The following FAT3 variants were observed in gnomAD, a reference collection of about 807,000 sequenced individuals.
The protein encoded by FAT3 is FAT atypical cadherin 3, also known as protocadherin Fat 3.
Under a neutral mutation model 310.2 loss-of-function variants are expected in FAT3, and 95 were observed. That is an observed-to-expected ratio of 0.31 (90% CI 0.26 to 0.36). The LOEUF (loss-of-function observed/expected upper bound fraction) is 0.36. Ranked by LOEUF, FAT3 falls within the 10% of genes least tolerant of loss-of-function variation. The pLI is 1.00. For missense variants in FAT3, 5,408 were observed against 5,715.6 expected, an observed-to-expected ratio of 0.95 and a Z score of 1.74; for synonymous variants, 2,314 against 2,192.9, an observed-to-expected ratio of 1.06 and a Z score of -1.54.
At chr11:92,742,424 T>C (rs1689226155) in intron 4 of FAT3, among the ~76,000 whole-genome samples, 1 of 152,176 alleles carries the variant, frequency 6.6e-6, no homozygotes, top group South Asian at 2.1e-4. Context: ...GGACTGTGAA[T>C]TCCCTGAAGG....
Position 92,891,075 on chromosome 11 carries a change from A to T in FAT3, c.13732A>T (p.Ile4578Phe), listed in dbSNP as rs776310983. ...VGELSLASLH[I>F]PFVETQHQTQ... ...AGAGCTCAGCCTCGCCAGCCTTCAC[A>T]TTCCCTTTGTGGAGACTCAGCATCA... The change falls in exon 28 of 28, where the codon ATT (isoleucine) becomes TTT (phenylalanine). Residue 4578 changes from isoleucine to phenylalanine, a missense_variant. Ile to Phe is a conservative substitution (Grantham distance 21). Coordinates refer to ENST00000525166, the MANE Select transcript of FAT3 (RefSeq NM_001367949.2). 1.9e-6 allele frequency: 3 copies of T among 1,613,780 alleles called. No individual in the cohort carries two copies. Among genetic ancestry groups the T allele is most frequent in the Admixed American group, 1.7e-5 (1 of 60,002 alleles).
chr11:92,487,944 C>T (rs1460212263), intron 2 of FAT3, among the ~76,000 whole-genome samples: 2 of 152,312 alleles, frequency 1.3e-5, no homozygotes, highest in South Asian at 2.1e-4. Flanking sequence ...GGTGTGCACA[C>T]CTTGGTATAA....
intron 2 of FAT3, among the ~76,000 whole-genome samples, chr11:92,426,031 C>A (rs1950624612): frequency 6.6e-6 from 1 of 152,200 alleles, no homozygotes; most frequent in African/African-American, 2.4e-5. Context: ...TTCTCCACAT[C>A]CTCTCCAGCA....
intron 2 of FAT3, among the ~76,000 whole-genome samples, chr11:92,448,034 G>A (rs543823479): frequency 2.0e-5 from 3 of 152,194 alleles, no homozygotes; most frequent in South Asian, 2.1e-4. Flanking sequence ...CCACATGGCC[G>A]GGACACTGAT....
chr11:92,282,536 A>G (rs1280990746), intron 1 of FAT3, among the ~76,000 whole-genome samples: 1 of 151,960 alleles, frequency 6.6e-6, no homozygotes, highest in Non-Finnish European at 1.5e-5. Context: ...GTGGTGGAGC[A>G]TGCCTGTAAT....
intron 4 of FAT3, among the ~76,000 whole-genome samples, chr11:92,707,774 A>G (rs1450408426): frequency 6.6e-6 from 1 of 152,180 alleles, no homozygotes; most frequent in African/African-American, 2.4e-5. Context: ...TGTCCAGTCT[A>G]ATTTTATCGA....
chr11:92,226,287 C>T (rs1357177757), intron 1 of FAT3, among the ~76,000 whole-genome samples: 2 of 152,218 alleles, frequency 1.3e-5, no homozygotes, highest in East Asian at 3.9e-4. Context: ...GAATTCCCTC[C>T]TCTCCTCTCT....
At chr11:92,554,639 G>T (rs9666404) in intron 3 of FAT3, among the ~76,000 whole-genome samples, 22,858 of 151,984 alleles carry the variant, frequency 0.15, 1,899 homozygotes, top group East Asian at 0.29. Flanking sequence ...TACCAATTTT[G>T]ATCTCACTTC....
chr11:92,890,846 C>T lies in FAT3; in HGVS notation c.13503C>T (p.Asn4501=), dbSNP rs373143549. The T allele has an allele frequency of 1.6e-4, 265 of 1,613,858 alleles. No individual in the cohort carries two copies. Among genetic ancestry groups the T allele is most frequent in the Non-Finnish European group, 1.9e-4 (223 of 1,179,896 alleles). ...ATCTCCCTCCTCACCCATTCCCCAA[C>T]GAAACGGATTTGGTGGGCCCGCCTG... The part of the protein sequence containing the change: ...SQYLPPHPFP[N]ETDLVGPPAS... The change falls in exon 28 of 28, where the codon AAC becomes AAT. Residue 4501 remains asparagine (N), a synonymous_variant. Coordinates refer to ENST00000525166, the MANE Select transcript of FAT3 (RefSeq NM_001367949.2).
intron 1 of FAT3, among the ~76,000 whole-genome samples, chr11:92,302,178 A>C (rs972835167): frequency 1.3e-5 from 2 of 152,148 alleles, no homozygotes; most frequent in South Asian, 2.1e-4. Context: ...TTATTAGTGT[A>C]GGTGCTAGAA....
At chr11:92,761,673 T>C (rs920339620) in intron 4 of FAT3, among the ~76,000 whole-genome samples, 183 bp from the exon 5 acceptor site, 3 of 152,142 alleles carry the variant, frequency 2.0e-5, no homozygotes, top group Admixed American at 6.5e-5. Context: ...AGAGCATCAA[T>C]ATATGAATTT....
chr11:92,881,143 G>C (rs1232917331), intron 23 of FAT3, among the ~76,000 whole-genome samples: 1 of 152,144 alleles, frequency 6.6e-6, no homozygotes, highest in Admixed American at 6.5e-5. Flanking sequence ...TTACTATGTA[G>C]TCTGTAACTA....
chr11:92,225,249 T>C (rs1425771486), intron 1 of FAT3, among the ~76,000 whole-genome samples, 75 bp downstream of exon 1: 2 of 152,150 alleles, frequency 1.3e-5, no homozygotes, highest in African/African-American at 4.8e-5. Flanking sequence ...GAGCACAGCC[T>C]CAGCTGCTGG....
chr11:92,337,805 A>G lies in FAT3; in HGVS notation c.-17-14291A>G, dbSNP rs146130728. ...CAAACCTCGAAGTACTTGTTGTACA[A>G]GCTTCTCTGTTGCTAAATTCCTTAT... On this transcript the variant is annotated intron_variant, in intron 1 of 27. Transcript: ENST00000525166. Among the ~76,000 whole-genome samples the G allele has an allele frequency of 8.5e-5, 13 of 152,368 alleles. No homozygotes were observed. In the East Asian group the frequency reaches 2.5e-3, roughly 29 times the overall value.
intron 4 of FAT3, among the ~76,000 whole-genome samples, chr11:92,747,878 A>C (rs908987861): frequency 2.0e-5 from 3 of 152,198 alleles, no homozygotes; most frequent in African/African-American, 7.2e-5. Context: ...CCATATCGCC[A>C]TCAGCATTTT....
At position 92,284,903 on chromosome 11, in the gene FAT3, C is replaced by G. The variant is rs559818901; in HGVS notation, c.-18+59729C>G. 3.9e-5 allele frequency among the ~76,000 whole-genome samples: 6 copies of G among 152,152 alleles called. No individual in the cohort carries two copies. The South Asian group carries it at 1.2e-3, about 32-fold the overall frequency. On this transcript the variant is annotated intron_variant, in intron 1 of 27. Transcript: ENST00000525166. The stretch of plus-strand genomic sequence containing the variant: ...GTGAAATTGCATTGCTGAAATATAG[C>G]CAAAGATACTATTACCTCAGGGACA...
At chr11:92,404,296 A>T (rs1354756071) in intron 2 of FAT3, among the ~76,000 whole-genome samples, 1 of 152,108 alleles carries the variant, frequency 6.6e-6, no homozygotes, top group African/African-American at 2.4e-5. Context: ...GCTAAAACAC[A>T]CTGTGACAAG....
chr11:92,548,710 A>G (rs779321872), intron 3 of FAT3, among the ~76,000 whole-genome samples: 11 of 152,218 alleles, frequency 7.2e-5, no homozygotes, highest in Non-Finnish European at 1.2e-4. Context: ...CACCTCAGTA[A>G]AAGATCTTTC....
At chr11:92,310,209 T>C (rs1947262796) in intron 1 of FAT3, among the ~76,000 whole-genome samples, 1 of 152,198 alleles carries the variant, frequency 6.6e-6, no homozygotes, top group African/African-American at 2.4e-5. Flanking sequence ...ATAAGAATAT[T>C]TTACTTTAAC....
Sources: gnomAD v4.1 joint callset for allele counts (sites outside exome capture counted in the v4.1 genomes callset) on GRCh38, gnomAD v4.1.1 for gene constraint, MANE v1.5 for transcripts, NCBI Gene and HGNC (gene_info 2026-07-23, HGNC 2026-07-21) for gene names.